The following ASIC2 variants were observed in gnomAD, a reference collection of about 807,000 sequenced individuals.
ASIC2 encodes acid-sensing ion channel 2.
ASIC2 carries 25 observed loss-of-function variants against 57.3 expected under a neutral mutation model. That is an observed-to-expected ratio of 0.44 (90% CI 0.32 to 0.61). ASIC2 has a LOEUF of 0.61. Ranked by LOEUF, ASIC2 falls within the 20% of genes least tolerant of loss-of-function variation. ASIC2 has a pLI of 0.06. For synonymous variants in ASIC2, 319 were observed against 307.5 expected, an observed-to-expected ratio of 1.04 and a Z score of -0.39; for missense variants, 641 against 738.1, an observed-to-expected ratio of 0.87 and a Z score of 1.52.
chr17:33,725,536 C>T (rs1909522506), intron 1 of ASIC2, among the ~76,000 whole-genome samples: 1 of 152,096 alleles, frequency 6.6e-6, no homozygotes, highest in South Asian at 2.1e-4. Flanking sequence ...AGACTCAGTG[C>T]CTGCATTTTA....
chr17:34,117,614 C>T (rs947662198), intron 1 of ASIC2, among the ~76,000 whole-genome samples: 4 of 152,112 alleles, frequency 2.6e-5, no homozygotes, highest in Admixed American at 2.0e-4. Flanking sequence ...CTGCAATCAT[C>T]CCAACAGAAG....
chr17:34,020,412 T>A (rs2142028193), intron 1 of ASIC2, among the ~76,000 whole-genome samples: 1 of 152,254 alleles, frequency 6.6e-6, no homozygotes. Flanking sequence ...TATGGCTGAG[T>A]TGGGCTCTGG....
intron 3 of ASIC2, among the ~76,000 whole-genome samples, chr17:33,060,038 T>C (rs2092014308): frequency 6.6e-6 from 1 of 152,188 alleles, no homozygotes. Context: ...TTTGTTTGAG[T>C]TCTTTATAGA....
intron 1 of ASIC2, among the ~76,000 whole-genome samples, chr17:33,315,377 A>G (rs1906603119): frequency 6.6e-6 from 1 of 152,224 alleles, no homozygotes; most frequent in South Asian, 2.1e-4. Context: ...TGAAAGAAGA[A>G]TCAAGTAAGT....
intron 1 of ASIC2, among the ~76,000 whole-genome samples, chr17:34,042,551 G>T (rs1320539135): frequency 6.6e-6 from 1 of 152,070 alleles, no homozygotes; most frequent in East Asian, 1.9e-4. Flanking sequence ...GGAGACAGTG[G>T]TAAGGTGTGG....
intron 3 of ASIC2, among the ~76,000 whole-genome samples, chr17:33,072,883 A>T (rs1286094823): frequency 6.6e-6 from 1 of 151,828 alleles, no homozygotes; most frequent in Non-Finnish European, 1.5e-5. Flanking sequence ...TGAGTAATCC[A>T]CTCCCCCTGC....
chr17:34,096,581 G>C (rs1453794922), intron 1 of ASIC2, among the ~76,000 whole-genome samples: 1 of 152,148 alleles, frequency 6.6e-6, no homozygotes, highest in African/African-American at 2.4e-5. Context: ...GGCAGGATTG[G>C]CCGGGCATGG....
At chr17:33,575,043 T>A (rs767798498) in intron 1 of ASIC2, among the ~76,000 whole-genome samples, 52 of 152,136 alleles carry the variant, frequency 3.4e-4, no homozygotes, top group South Asian at 2.1e-4. Flanking sequence ...CTGATCTTAG[T>A]CCTGGCTCTA....
intron 1 of ASIC2, among the ~76,000 whole-genome samples, chr17:34,113,601 G>C (rs1283200529): frequency 6.6e-6 from 1 of 151,706 alleles, no homozygotes; most frequent in Non-Finnish European, 1.5e-5. Flanking sequence ...AATTAAGCCA[G>C]GCGTGGTGAC....
At chr17:33,056,778 C>T (rs925306394) in intron 3 of ASIC2, among the ~76,000 whole-genome samples, 4 of 152,202 alleles carry the variant, frequency 2.6e-5, no homozygotes, top group African/African-American at 9.7e-5. Flanking sequence ...CAGTGAGCTG[C>T]TGTCATCAGA....
intron 1 of ASIC2, among the ~76,000 whole-genome samples, chr17:34,060,304 A>C (rs531259255): frequency 6.6e-6 from 1 of 152,336 alleles, no homozygotes; most frequent in Admixed American, 6.5e-5. Context: ...GAAGCGTACT[A>C]TATCAAGGGA....
chr17:33,414,442 G>C (rs562490471), intron 1 of ASIC2, among the ~76,000 whole-genome samples: 46 of 152,342 alleles, frequency 3.0e-4, no homozygotes, highest in African/African-American at 1.1e-3. Flanking sequence ...GACTGGAGCA[G>C]TGGGAGGATG....
intron 1 of ASIC2, among the ~76,000 whole-genome samples, chr17:33,960,888 C>G (rs111418767): frequency 5.3e-4 from 80 of 152,280 alleles, no homozygotes; most frequent in African/African-American, 1.9e-3. Context: ...AGAGTCAGAT[C>G]CGTGCTGCTC....
chr17:33,278,648 C>G (rs1597663275), intron 1 of ASIC2, among the ~76,000 whole-genome samples: 1 of 152,222 alleles, frequency 6.6e-6, no homozygotes, highest in Middle Eastern at 3.4e-3. Flanking sequence ...AGGGGAGGGT[C>G]AGCTCCATTT....
chr17:33,031,665 T>A (rs1403803165), intron 3 of ASIC2, among the ~76,000 whole-genome samples: 2 of 152,180 alleles, frequency 1.3e-5, no homozygotes, highest in Non-Finnish European at 2.9e-5. Context: ...AATTTTTTCA[T>A]CTGCTTACTA....
chr17:33,380,245 CAAAAAAAA>C (rs10586872), intron 1 of ASIC2, among the ~76,000 whole-genome samples: 1 of 71,064 alleles, frequency 1.4e-5, no homozygotes, highest in African/African-American at 5.1e-5. Context: ...AACCCTGTCT[CAAAAAAAA>C]AAAAAAAAAA....
chr17:33,831,683 T>C (rs1472656452), intron 1 of ASIC2, among the ~76,000 whole-genome samples: 7 of 152,024 alleles, frequency 4.6e-5, no homozygotes, highest in African/African-American at 1.7e-4. Flanking sequence ...TATGGGGCAC[T>C]GAGCTCTGCA....
intron 1 of ASIC2, among the ~76,000 whole-genome samples, chr17:33,579,249 G>C (rs558983615): frequency 1.4e-5 from 2 of 142,500 alleles, no homozygotes; most frequent in Non-Finnish European, 3.0e-5. Context: ...TCACACCATT[G>C]CACTCCAGCC....
chr17:33,495,713 G>T (rs1308578430), intron 1 of ASIC2, among the ~76,000 whole-genome samples: 1 of 152,176 alleles, frequency 6.6e-6, no homozygotes, highest in Non-Finnish European at 1.5e-5. Context: ...GGGTAATGGG[G>T]GAGACACCAC....
Sources: allele counts gnomAD v4.1 joint callset (sites outside exome capture counted in the v4.1 genomes callset), GRCh38; gene constraint gnomAD v4.1.1; transcripts MANE v1.5; gene names NCBI Gene and HGNC (gene_info 2026-07-23, HGNC 2026-07-21).